Variants in IFT140 observed in about 807,000 individuals in gnomAD.
IFT140 encodes intraflagellar transport 140.
Under a neutral mutation model 164.6 loss-of-function variants are expected in IFT140, and 133 were observed. The ratio of observed to expected loss-of-function variants is 0.81; its 90% CI spans 0.70 to 0.93. IFT140 has a LOEUF of 0.93. IFT140 is among the 40% of genes least tolerant of loss of function. The pLI is 0.00. For synonymous variants in IFT140, 860 were observed against 817.3 expected (o/e 1.05, Z -0.89); for missense variants, 2,045 against 1,972.3 (o/e 1.04, Z -0.70).
chr16:1,606,268 C>A (rs1325397724), intron 3 of IFT140, among the ~76,000 whole-genome samples: 2 of 152,230 alleles, frequency 1.3e-5, no homozygotes, highest in South Asian at 2.1e-4. Context: ...GCCTCAGGAT[C>A]CACAAACAGC....
At chr16:1,572,042 G>C (rs1053392322) in intron 13 of IFT140, among the ~76,000 whole-genome samples, 1 of 152,016 alleles carries the variant, frequency 6.6e-6, no homozygotes, top group African/African-American at 2.4e-5. Flanking sequence ...GGGAGAGGAA[G>C]GATGCTAGTT....
At chr16:1,541,758 G>T (rs1054575190) in intron 19 of IFT140, among the ~76,000 whole-genome samples, 6 of 152,204 alleles carry the variant, frequency 3.9e-5, no homozygotes, top group African/African-American at 1.4e-4. Context: ...AGGCAGGTGA[G>T]GGGGAGGGCG....
intron 10 of IFT140, 69 bp downstream of exon 10, chr16:1,586,061 G>A (rs916012141): frequency 3.8e-5 from 61 of 1,586,060 alleles, no homozygotes; most frequent in South Asian, 5.5e-5. Flanking sequence ...GTGAGCCACC[G>A]CGCCCGGCCA....
chr16:1,546,115 T>C (rs1567353752), intron 19 of IFT140, among the ~76,000 whole-genome samples: 2 of 152,178 alleles, frequency 1.3e-5, no homozygotes. Flanking sequence ...TTTGTGCAGA[T>C]AGGCACGGGC....
rs902076247 is a variant in IFT140, at chr16:1,564,156, G to A, written c.1908C>T (p.His636=). 2 of 1,571,184 alleles carry A rather than the reference G, an allele frequency of 1.3e-6. No individual in the cohort carries two copies. The highest frequency in any genetic ancestry group is 1.4e-5 in the African/African-American group (1 of 73,576). The part of the protein sequence containing the change: ...SFNEQETNKS[H]LFVDEGLKNY... ...TTTTCAGTCCCTCATCCACAAAGAGGTGGCTCCTAAAAGACAAAGGAAGAC... is the reference window on the plus strand; with the variant it reads ...TTTTCAGTCCCTCATCCACAAAGAGATGGCTCCTAAAAGACAAAGGAAGAC... Residue 636 remains histidine, a synonymous_variant, in exon 17 of 31, where the codon CAC becomes CAT. Coordinates refer to ENST00000426508, the MANE Select transcript of IFT140 (RefSeq NM_014714.4). This position sits in a 1 kb window ranked among gnomAD's most constrained non-coding sequence, Gnocchi z 5.5.
Position 1,564,058 on chromosome 16 carries a change from G to A in IFT140, c.2006C>T (p.Thr669Met), listed in dbSNP as rs760242102. 27 of 1,601,922 alleles carry A rather than the reference G, an allele frequency of 1.7e-5. 1 individual carries two copies. Among genetic ancestry groups the A allele is most frequent in the African/African-American group, 5.4e-5 (4 of 74,648 alleles). Reference protein sequence around the residue: ...RLFVCEAVQETPRSQPQSANG... With the variant: ...RLFVCEAVQEMPRSQPQSANG... ...TGCAGACTGAGGCTGGGAGCGCGGC[G>A]TCTCCTGCACGGCTTCGCATACAAA... The change falls in exon 17 of 31, where the codon ACG (threonine) becomes ATG (methionine). Residue 669 changes from threonine to methionine, a missense_variant. Coordinates refer to ENST00000426508, the MANE Select transcript of IFT140 (RefSeq NM_014714.4). This position sits in a 1 kb window ranked among gnomAD's most constrained non-coding sequence, Gnocchi z 5.5.
chr16:1,576,883 G>A (rs117592744), intron 13 of IFT140: 1 of 152,198 alleles, frequency 6.6e-6, no homozygotes, highest in African/African-American at 2.4e-5. Flanking sequence ...TCGTGCTCCT[G>A]TCGGCATTTC....
rs751770559 is a variant in IFT140 at position 1,586,118 on chromosome 16, T to C, written c.1155+12A>G. The C allele has an allele frequency of 6.2e-7, 1 of 1,610,874 alleles. No homozygotes were observed. Among genetic ancestry groups the C allele is most frequent in the South Asian group, 1.1e-5 (1 of 91,086 alleles). ...AGAAAATGAGTGCACCGAACACCCT[T>C]GGAGGCTGTACCTGGATTTGCGTGA... is the stretch of plus-strand genomic sequence containing the variant. On this transcript the variant is annotated intron_variant, in intron 10 of 30. Coordinates refer to ENST00000426508, the MANE Select transcript of IFT140 (RefSeq NM_014714.4).
At chr16:1,539,134 G>T (rs910568619) in intron 19 of IFT140, among the ~76,000 whole-genome samples, 1 of 148,886 alleles carries the variant, frequency 6.7e-6, no homozygotes. Context: ...GTGCCAGACG[G>T]CCCCACGCCT....
chr16:1,529,849 G>A (rs1361863724), intron 19 of IFT140, among the ~76,000 whole-genome samples: 2 of 152,176 alleles, frequency 1.3e-5, no homozygotes, highest in Non-Finnish European at 2.9e-5. Context: ...GAACGCTGCT[G>A]GGCCTCATCC....
chr16:1,518,187 G>A (rs1327297494), intron 30 of IFT140, 29 bp downstream of exon 30: 1 of 1,580,428 alleles, frequency 6.3e-7, no homozygotes. Context: ...GTGGCGGGAT[G>A]CTGCTAGTGA....
intron 2 of IFT140, among the ~76,000 whole-genome samples, chr16:1,608,119 A>AGCCGC (rs2036168148): frequency 2.0e-5 from 3 of 152,226 alleles, no homozygotes; most frequent in Non-Finnish European, 4.4e-5. Flanking sequence ...AAGAATGCAC[A>AGCCGC]GCCGCAGCAG....
intron 20 of IFT140, 171 bp downstream of exon 20, chr16:1,526,448 C>G (rs1439718898): frequency 1.3e-6 from 1 of 750,210 alleles, no homozygotes; most frequent in East Asian, 2.8e-5. Context: ...TAGCCTCCAC[C>G]CACCTCACCT....
intron 6 of IFT140, 72 bp downstream of exon 6, chr16:1,592,104 G>A (rs1467288670): frequency 1.2e-5 from 19 of 1,527,016 alleles, no homozygotes; most frequent in Non-Finnish European, 1.7e-5. Context: ...AACGCCATCT[G>A]TGAGTTTAAA....
rs1400263980 is a variant in IFT140 at position 1,524,710 on chromosome 16, A to T, written c.2998-15T>A. Reference sequence around the variant, plus strand: ...ATTTGCGCAGCCTAGAAAGACAAAGAACCCAAAGACGAGACACGGTGGCCT... The same window carrying T: ...ATTTGCGCAGCCTAGAAAGACAAAGTACCCAAAGACGAGACACGGTGGCCT... On this transcript the variant is annotated splice_polypyrimidine_tract_variant and intron_variant, in intron 23 of 30. Coordinates refer to ENST00000426508, the MANE Select transcript of IFT140 (RefSeq NM_014714.4). 6.3e-7 allele frequency: 1 copy of T among 1,576,138 alleles called. No individual in the cohort carries two copies. The highest frequency in any genetic ancestry group is 8.7e-7 in the Non-Finnish European group (1 of 1,154,344).
chr16:1,561,763 C>T (rs1171012984), intron 18 of IFT140, among the ~76,000 whole-genome samples: 2 of 152,178 alleles, frequency 1.3e-5, no homozygotes, highest in African/African-American at 4.8e-5. Context: ...TCTCTCTATC[C>T]TGAGAGCAAA....
At chr16:1,526,968 A>G in intron 19 of IFT140, 172 bp from the exon 20 acceptor site, 1 of 670,174 alleles carries the variant, frequency 1.5e-6, no homozygotes. Context: ...CCATGCAGAG[A>G]GGTGCCCGTC....
intron 18 of IFT140, among the ~76,000 whole-genome samples, chr16:1,559,353 C>A (rs2033281515): frequency 6.6e-6 from 1 of 152,188 alleles, no homozygotes; most frequent in Non-Finnish European, 1.5e-5. Flanking sequence ...TTCACCATGT[C>A]CTGCTCACAG....
chr16:1,588,161 G>C (rs760574600), intron 7 of IFT140, 137 bp from the exon 8 acceptor site: 55 of 650,924 alleles, frequency 8.4e-5, no homozygotes, highest in Admixed American at 2.6e-4. Context: ...ACAAATGATA[G>C]AAACTCTGTG....
Sources: gnomAD v4.1 joint callset for allele counts (sites outside exome capture counted in the v4.1 genomes callset) on GRCh38, gnomAD v4.1.1 for gene constraint, Gnocchi (gnomAD v3.1) non-coding constraint, MANE v1.5 for transcripts, NCBI Gene and HGNC (gene_info 2026-07-23, HGNC 2026-07-21) for gene names.